DPPA4: variants seen among roughly 807,000 people sequenced by gnomAD.
DPPA4 encodes developmental pluripotency associated 4.
In DPPA4, 22 loss-of-function variants were observed where a neutral mutation model predicts 33.7. The ratio of observed to expected loss-of-function variants is 0.65; its 90% CI spans 0.47 to 0.93. The LOEUF (loss-of-function observed/expected upper bound fraction) is 0.93, where lower values mean the gene tolerates loss of function less well. Among genes scored for constraint, DPPA4 ranks in the 40% least tolerant of loss-of-function variants. The pLI, the probability that DPPA4 is intolerant of heterozygous loss-of-function variation, is 0.00. For synonymous variants in DPPA4, 156 were observed against 132.3 expected (o/e 1.18, Z -1.23); for missense variants, 340 against 358.6 (o/e 0.95, Z 0.42).
At chr3:109,330,999 G>A (rs1708059365) in intron 4 of DPPA4, among the ~76,000 whole-genome samples, 187 bp from the exon 5 acceptor site, 1 of 151,936 alleles carries the variant, frequency 6.6e-6, no homozygotes, top group Non-Finnish European at 1.5e-5. Flanking sequence ...TGCTCAGTTG[G>A]CCACCCAGTG....
In DPPA4 at chr3:109,326,393, GACC is replaced by G. The variant is rs1413260500; in HGVS notation, c.*1592_*1594del. The stretch of plus-strand genomic sequence containing the variant: ...CTATTATTTATTACACAATAATTCT[GACC>G]ACCAACAACCAACGGCGGGGGCGGG... On this transcript the variant is annotated 3_prime_UTR_variant, in exon 7 of 7. Coordinates refer to ENST00000335658, the MANE Select transcript of DPPA4 (RefSeq NM_018189.4). The G allele has an allele frequency of 2.0e-5, 3 of 152,050 alleles. No homozygotes were observed. Among genetic ancestry groups the G allele is most frequent in the Non-Finnish European group, 4.4e-5 (3 of 68,006 alleles). 9.4% of individuals were successfully genotyped at this position (152,050 alleles called of 1,614,324 possible). A position where few individuals can be genotyped will look rare whatever the true frequency, so the allele number is the denominator to read the frequency against.
chr3:109,330,782 T>A lies in DPPA4; in HGVS notation c.421A>T (p.Ile141Phe). ...DFPSTAKEAK[I>F]RKSLQKKLKV... ...AATTTTTTTTGCAATGATTTCCGGA[T>A]TTTGGCCTCTTTTGCTGTGCTAGGA... The change falls in exon 5 of 7, where the codon ATC becomes TTC. Residue 141 changes from isoleucine (I) to phenylalanine (F), a missense_variant. This residue lies in a region of DPPA4 where 212 missense variants were observed against 206.5 expected (regional missense o/e 1.03). Transcript: ENST00000335658. 1 of 1,612,948 alleles carries A rather than the reference T, an allele frequency of 6.2e-7. No homozygotes were observed. The highest frequency in any genetic ancestry group is 8.5e-7 in the Non-Finnish European group (1 of 1,179,602).
chr3:109,330,326 AAAAAAG>A (rs1708037997), intron 5 of DPPA4, 192 bp downstream of exon 5: 1 of 361,050 alleles, frequency 2.8e-6, no homozygotes, highest in Non-Finnish European at 4.8e-6. Context: ...AAAAAAAAAA[AAAAAAG>A]GAAAAAAAAA....
At chr3:109,328,489 C>T (rs1707984755) in intron 6 of DPPA4, among the ~76,000 whole-genome samples, 2 of 152,112 alleles carry the variant, frequency 1.3e-5, no homozygotes, top group South Asian at 2.1e-4. Context: ...TCCATCTAGT[C>T]GATTCTTCCC....
intron 2 of DPPA4, among the ~76,000 whole-genome samples, chr3:109,332,503 TGCTCCTTTGTGA>T (rs1708104510): frequency 6.6e-6 from 1 of 152,160 alleles, no homozygotes; most frequent in African/African-American, 2.4e-5. Context: ...GAGGTACACT[TGCTCCTTTGTGA>T]GCTCCTTAAT....
rs1348205426 is a variant in DPPA4 at position 109,329,053 on chromosome 3, G to A, written c.715C>T (p.Pro239Ser). The change falls in exon 6 of 7, where the codon CCT becomes TCT. Residue 239 changes from proline (P) to serine (S), a missense_variant. Pro to Ser is a moderately conservative substitution (Grantham distance 74, BLOSUM62 -1). Around this residue, in one of 3 missense-constraint regions of DPPA4, gnomAD observed 212 missense variants for 206.5 expected, o/e 1.03. Transcript: ENST00000335658. Reference sequence around the variant, plus strand: ...TGAACCCAACCATCTGTGTCTGCAGGGAGACTTTTCCCATGGACCACACAC... The same window carrying A: ...TGAACCCAACCATCTGTGTCTGCAGAGAGACTTTTCCCATGGACCACACAC... ...RWCVVHGKSL[P>S]ADTDGWVHLQ... 1 of 1,613,872 alleles carries A rather than the reference G, an allele frequency of 6.2e-7. No individual in the cohort carries two copies. The highest frequency in any genetic ancestry group is 8.5e-7 in the Non-Finnish European group (1 of 1,180,026).
intron 1 of DPPA4, chr3:109,336,518 G>A (rs1708216579): frequency 6.6e-6 from 1 of 152,254 alleles, no homozygotes; most frequent in East Asian, 1.9e-4. Flanking sequence ...CTGGGAAAAG[G>A]GGACGAATTC....
upstream of DPPA4, chr3:109,337,585 A>G: frequency 6.9e-7 from 1 of 1,457,732 alleles, no homozygotes. Flanking sequence ...TGCCGCCCGA[A>G]GACCCTTTTT....
Position 109,329,080 on chromosome 3 carries a change from A to T in DPPA4, c.688T>A (p.Trp230Arg), listed in dbSNP as rs1707998206. 6.2e-7 allele frequency: 1 copy of T among 1,613,878 alleles called. No homozygotes were observed. Among genetic ancestry groups the T allele is most frequent in the South Asian group, 1.1e-5 (1 of 91,074 alleles). The change falls in exon 6 of 7, where the codon TGG becomes AGG. Residue 230 changes from tryptophan (W) to arginine (R), a missense_variant. Trp to Arg is a moderately radical substitution (Grantham distance 101). This residue lies in a region of DPPA4 where 212 missense variants were observed against 206.5 expected (regional missense o/e 1.03). Transcript: ENST00000335658. ...ESPQEASGVRWCVVHGKSLPA... is the reference protein window; with the variant it reads ...ESPQEASGVRRCVVHGKSLPA... Reference sequence around the variant, plus strand: ...AGACTTTTCCCATGGACCACACACCACCTGACACCTGGCAATGGCAAAGGA... The same window carrying T: ...AGACTTTTCCCATGGACCACACACCTCCTGACACCTGGCAATGGCAAAGGA...
At chr3:109,337,840 C>CA (rs1231924509), upstream of DPPA4, among the ~76,000 whole-genome samples, 1 of 150,684 alleles carries the variant, frequency 6.6e-6, no homozygotes, top group Non-Finnish European at 1.5e-5. Context: ...AAACAAAAAA[C>CA]AAAAAAACAG....
chr3:109,328,071 T>G (rs1707976291), intron 6 of DPPA4, 47 bp from the exon 7 acceptor site: 4 of 1,272,002 alleles, frequency 3.1e-6, no homozygotes, highest in Non-Finnish European at 4.5e-6. Context: ...TGAAGAAATA[T>G]TAAAAATAGC....
At chr3:109,329,201 G>T (rs1708001549) in intron 5 of DPPA4, 113 bp from the exon 6 acceptor site, 1 of 912,426 alleles carries the variant, frequency 1.1e-6, no homozygotes, top group Non-Finnish European at 1.7e-6. Flanking sequence ...TGTGAACCCT[G>T]AAATCCTAAC....
chr3:109,330,775 T>A lies in DPPA4; in HGVS notation c.428A>T (p.Lys143Ile), dbSNP rs752357399. The A allele has an allele frequency of 5.0e-6, 8 of 1,613,462 alleles. No individual in the cohort carries two copies. The highest frequency in any genetic ancestry group is 5.9e-6 in the Non-Finnish European group (7 of 1,179,798). ...PSTAKEAKIR[K>I]SLQKKLKVEK... is the part of the protein sequence containing the mutation. Reference sequence around the variant, plus strand: ...CACCTTTAATTTTTTTTGCAATGATTTCCGGATTTTGGCCTCTTTTGCTGT... The same window carrying A: ...CACCTTTAATTTTTTTTGCAATGATATCCGGATTTTGGCCTCTTTTGCTGT... The change falls in exon 5 of 7, where the codon AAA (lysine) becomes ATA (isoleucine). Residue 143 changes from lysine to isoleucine, a missense_variant. This residue lies in a region of DPPA4 where 212 missense variants were observed against 206.5 expected (regional missense o/e 1.03). Coordinates refer to ENST00000335658, the MANE Select transcript of DPPA4 (RefSeq NM_018189.4).
At chr3:109,338,192 GTGT>G (rs1272806825), upstream of DPPA4, among the ~76,000 whole-genome samples, 2 of 152,200 alleles carry the variant, frequency 1.3e-5, no homozygotes, top group Non-Finnish European at 2.9e-5. Flanking sequence ...TCCTCCCAAA[GTGT>G]TGGGATTACA....
intron 1 of DPPA4, among the ~76,000 whole-genome samples, chr3:109,335,405 C>A (rs1034604314): frequency 2.6e-5 from 4 of 152,102 alleles, no homozygotes. Flanking sequence ...GGATTAAAGG[C>A]GCGAGCCACT....
At position 109,326,668 on chromosome 3, in the gene DPPA4, T is replaced by C. The variant is rs1707941896; in HGVS notation, c.*1320A>G. 6.6e-6 allele frequency: 1 copy of C among 152,024 alleles called. No homozygotes were observed. Among genetic ancestry groups the C allele is most frequent in the Admixed American group, 6.6e-5 (1 of 15,242 alleles). The allele number at this position is 152,024 out of a possible 1,614,324, so 9.4% of individuals were successfully genotyped here. A position where few individuals can be genotyped will look rare whatever the true frequency, so the allele number is the denominator to read the frequency against. On this transcript the variant is annotated 3_prime_UTR_variant, in exon 7 of 7. Coordinates refer to ENST00000335658, the MANE Select transcript of DPPA4 (RefSeq NM_018189.4). ...CAGGATAAGTGAAAAACAGATCTGT[T>C]CCCAGACTCGCAGGACTATAAGTTT...
chr3:109,330,958 G>A, intron 4 of DPPA4, 146 bp from the exon 5 acceptor site: 3 of 816,000 alleles, frequency 3.7e-6, no homozygotes, highest in Non-Finnish European at 5.6e-6. Context: ...ACTATACATA[G>A]TTAATAACAA....
At chr3:109,337,349 A>G (rs1708235566) in intron 1 of DPPA4, 115 bp downstream of exon 1, 1 of 890,154 alleles carries the variant, frequency 1.1e-6, no homozygotes, top group Non-Finnish European at 1.8e-6. Context: ...AAAAAAGTCA[A>G]GAGGAGAAAA....
intron 1 of DPPA4, 52 bp downstream of exon 1, chr3:109,337,412 A>G: frequency 6.4e-7 from 1 of 1,555,434 alleles, no homozygotes; most frequent in African/African-American, 1.4e-5. Context: ...TGCCCAGGGA[A>G]GACAGAAACA....
Sources: allele counts gnomAD v4.1 joint callset (sites outside exome capture counted in the v4.1 genomes callset), GRCh38; gene constraint gnomAD v4.1.1; regional missense constraint gnomAD v4.1.1; transcripts MANE v1.5; gene names NCBI Gene and HGNC (gene_info 2026-07-23, HGNC 2026-07-21).